Variants in AGPAT4 observed in about 807,000 individuals in gnomAD.
AGPAT4 encodes 1-acyl-sn-glycerol-3-phosphate acyltransferase delta.
Under a neutral mutation model 48.0 loss-of-function variants are expected in AGPAT4, and 15 were observed. The ratio of observed to expected loss-of-function variants is 0.31; its 90% CI spans 0.21 to 0.48. AGPAT4 has a LOEUF of 0.48. Among genes scored for constraint, AGPAT4 ranks in the 20% least tolerant of loss-of-function variants. AGPAT4 has a pLI of 0.99. For synonymous variants in AGPAT4, 178 were observed against 198.7 expected, an observed-to-expected ratio of 0.90 and a Z score of 0.88; for missense variants, 314 against 482.5, an observed-to-expected ratio of 0.65 and a Z score of 3.27.
rs944392211 is a variant in AGPAT4 at position 161,223,119 on chromosome 6, C to T, written c.178+8917G>A. Among the ~76,000 whole-genome samples the T allele has an allele frequency of 6.6e-6, 1 of 152,158 alleles. No homozygotes were observed. The highest frequency in any genetic ancestry group is 2.4e-5 in the African/African-American group (1 of 41,436). On this transcript the variant is annotated intron_variant, in intron 2 of 8. Coordinates refer to ENST00000320285, the MANE Select transcript of AGPAT4 (RefSeq NM_020133.3). The surrounding 1 kb of genome is among the most constrained non-coding windows in gnomAD (Gnocchi z 6.3). Reference sequence around the variant, plus strand: ...GTCTAATCATCAACTCACTGCTCTACCATGCTGGGTCTATGAGCCTTCTCC... The same window carrying T: ...GTCTAATCATCAACTCACTGCTCTATCATGCTGGGTCTATGAGCCTTCTCC...
chr6:161,231,904 A>C lies in AGPAT4; in HGVS notation c.178+132T>G. 1 of 908,836 alleles carries C rather than the reference A, an allele frequency of 1.1e-6. No homozygotes were observed. Among genetic ancestry groups the C allele is most frequent in the Non-Finnish European group, 1.6e-6 (1 of 636,798 alleles). 56.3% of individuals were successfully genotyped at this position (908,836 alleles called of 1,614,324 possible). A position where few individuals can be genotyped will look rare whatever the true frequency, so the allele number is the denominator to read the frequency against. ...GATTGAGAACAAAATAGCCATTTCA[A>C]ACCTAAAACAAAAACAAAACAAAAA... is the stretch of plus-strand genomic sequence containing the variant. On this transcript the variant is annotated intron_variant, in intron 2 of 8. Coordinates refer to ENST00000320285, the MANE Select transcript of AGPAT4 (RefSeq NM_020133.3). This position sits in a 1 kb window ranked among gnomAD's most constrained non-coding sequence, Gnocchi z 5.3.
intron 2 of AGPAT4, among the ~76,000 whole-genome samples, chr6:161,175,470 T>C (rs570143374): frequency 6.6e-6 from 1 of 152,342 alleles, no homozygotes; most frequent in South Asian, 2.1e-4. Flanking sequence ...TAGTAGTTTG[T>C]ATTTCCGTGG....
At position 161,261,057 on chromosome 6, in the gene AGPAT4, C is replaced by T. The variant is rs1397560840; in HGVS notation, c.-90+12881G>A. ...TCTGGTGCTCCGAGCTCGTGTATTC[C>T]GTTCCACCTGCCTGATGCCCTTCCC... On this transcript the variant is annotated intron_variant, in intron 1 of 8. Transcript: ENST00000320285. This position sits in a 1 kb window ranked among gnomAD's most constrained non-coding sequence, Gnocchi z 5.3. 1.4e-4 allele frequency among the ~76,000 whole-genome samples: 21 copies of T among 152,174 alleles called. No individual in the cohort carries two copies. The highest frequency in any genetic ancestry group is 1.2e-3 in the Admixed American group (19 of 15,284).
Position 161,236,148 on chromosome 6 carries a change from C to T in AGPAT4, c.-89-3846G>A, listed in dbSNP as rs1224456806. 6.6e-6 allele frequency among the ~76,000 whole-genome samples: 1 copy of T among 152,116 alleles called. No individual in the cohort carries two copies. Among genetic ancestry groups the T allele is most frequent in the Non-Finnish European group, 1.5e-5 (1 of 68,030 alleles). ...CTTTCCAGCAAATCCACTTCAGTGG[C>T]TTATTACATGAGGCAAGAATATGAC... On this transcript the variant is annotated intron_variant, in intron 1 of 8. Transcript: ENST00000320285. The surrounding 1 kb of genome is among the most constrained non-coding windows in gnomAD (Gnocchi z 5.0).
rs573090425 is a variant in AGPAT4, at chr6:161,251,607, G to A, written c.-89-19305C>T. On this transcript the variant is annotated intron_variant, in intron 1 of 8. Transcript: ENST00000320285. The surrounding 1 kb of genome is among the most constrained non-coding windows in gnomAD (Gnocchi z 4.6). Reference sequence around the variant, plus strand: ...CCAGCCTGTCCGGCCGCTGGTTAAAGACCCGCAGGGAGGATGGAAGCTGCG... The same window carrying A: ...CCAGCCTGTCCGGCCGCTGGTTAAAAACCCGCAGGGAGGATGGAAGCTGCG... 6.6e-6 allele frequency among the ~76,000 whole-genome samples: 1 copy of A among 152,312 alleles called. No individual in the cohort carries two copies. The highest frequency in any genetic ancestry group is 2.4e-5 in the African/African-American group (1 of 41,576).
In AGPAT4 at chr6:161,148,399, T is replaced by C. The variant is rs1289001576; in HGVS notation, c.767+788A>G. Among the ~76,000 whole-genome samples the C allele has an allele frequency of 6.6e-6, 1 of 152,222 alleles. No individual in the cohort carries two copies. The highest frequency in any genetic ancestry group is 2.4e-5 in the African/African-American group (1 of 41,458). ...CTCCCAGGAAAGCCTGGACGTTTGG[T>C]GTGGCCTGGTGGGAATGTAGGGCCC... On this transcript the variant is annotated intron_variant, in intron 6 of 8. Transcript: ENST00000320285. The surrounding 1 kb of genome is among the most constrained non-coding windows in gnomAD (Gnocchi z 5.5).
At position 161,222,093 on chromosome 6, in the gene AGPAT4, G is replaced by T. The variant is rs1057181057; in HGVS notation, c.178+9943C>A. 6.6e-6 allele frequency among the ~76,000 whole-genome samples: 1 copy of T among 152,118 alleles called. No homozygotes were observed. The highest frequency in any genetic ancestry group is 2.4e-5 in the African/African-American group (1 of 41,426). Reference sequence around the variant, plus strand: ...CTATGCTCTGCTCAGGTCCTGTAAGGCACAGCCTGAAACACCTTCCTTGTC... The same window carrying T: ...CTATGCTCTGCTCAGGTCCTGTAAGTCACAGCCTGAAACACCTTCCTTGTC... On this transcript the variant is annotated intron_variant, in intron 2 of 8. Transcript: ENST00000320285. This position sits in a 1 kb window ranked among gnomAD's most constrained non-coding sequence, Gnocchi z 5.9.
chr6:161,244,592 T>C lies in AGPAT4; in HGVS notation c.-89-12290A>G, dbSNP rs1782599388. ...TCCATTATGGCTAAACAAACTCACA[T>C]TTTGATGCTGTGTGAGCAGACAGGC... On this transcript the variant is annotated intron_variant, in intron 1 of 8. Coordinates refer to ENST00000320285, the MANE Select transcript of AGPAT4 (RefSeq NM_020133.3). The surrounding 1 kb of genome is among the most constrained non-coding windows in gnomAD (Gnocchi z 4.7). 6.6e-6 allele frequency among the ~76,000 whole-genome samples: 1 copy of C among 152,116 alleles called. No individual in the cohort carries two copies. Among genetic ancestry groups the C allele is most frequent in the Non-Finnish European group, 1.5e-5 (1 of 68,024 alleles).
At chr6:161,203,943 T>C (rs1268538525) in intron 2 of AGPAT4, among the ~76,000 whole-genome samples, 4 of 152,192 alleles carry the variant, frequency 2.6e-5, no homozygotes, top group African/African-American at 9.6e-5. Context: ...AGGGACTCTT[T>C]ATGATGCTAC....
At position 161,159,861 on chromosome 6, in the gene AGPAT4, T is replaced by A. The variant is rs1583290360; in HGVS notation, c.349-5551A>T. On this transcript the variant is annotated intron_variant, in intron 3 of 8. Transcript: ENST00000320285. The surrounding 1 kb of genome is among the most constrained non-coding windows in gnomAD (Gnocchi z 4.1). ...GGTTTCACCATGTTGGCTAGTCTGGTCTCGAACTCCTGACCTTCAGGTCTC... is the reference window on the plus strand; with the variant it reads ...GGTTTCACCATGTTGGCTAGTCTGGACTCGAACTCCTGACCTTCAGGTCTC... 6.6e-6 allele frequency among the ~76,000 whole-genome samples: 1 copy of A among 151,934 alleles called. No individual in the cohort carries two copies. Among genetic ancestry groups the A allele is most frequent in the Non-Finnish European group, 1.5e-5 (1 of 67,998 alleles).
rs546138543 is a variant in AGPAT4 at position 161,253,830 on chromosome 6, A to T, written c.-90+20108T>A. On this transcript the variant is annotated intron_variant, in intron 1 of 8. Coordinates refer to ENST00000320285, the MANE Select transcript of AGPAT4 (RefSeq NM_020133.3). ...TACATATCTAGTTTTAGTTATTTTA[A>T]TTGCAAAGAGTATTGCTTTGGATGA... Among the ~76,000 whole-genome samples, 17 of 152,282 alleles carry T rather than the reference A, an allele frequency of 1.1e-4. No homozygotes were observed. The South Asian group carries it at 3.5e-3, about 32-fold the overall frequency.
At chr6:161,207,710 A>T (rs1781414296) in intron 2 of AGPAT4, among the ~76,000 whole-genome samples, 1 of 152,226 alleles carries the variant, frequency 6.6e-6, no homozygotes. Flanking sequence ...ATAGAAGGAA[A>T]GGTAGAATAG....
In AGPAT4 at chr6:161,141,599, A is replaced by C. The variant is rs917133621; in HGVS notation, c.844-1979T>G. 2.5e-4 allele frequency among the ~76,000 whole-genome samples: 38 copies of C among 152,184 alleles called. No homozygotes were observed. Among genetic ancestry groups the C allele is most frequent in the African/African-American group, 9.2e-4 (38 of 41,488 alleles). On this transcript the variant is annotated intron_variant, in intron 7 of 8. Transcript: ENST00000320285. This position sits in a 1 kb window ranked among gnomAD's most constrained non-coding sequence, Gnocchi z 6.7. ...TGCCTTGTTTTTTTTTAAAAAAAAA[A>C]CAGCTTTCTTAAGATGTCACTTACA...
intron 2 of AGPAT4, among the ~76,000 whole-genome samples, chr6:161,224,779 A>T (rs1781928200): frequency 6.6e-6 from 1 of 152,228 alleles, no homozygotes; most frequent in South Asian, 2.1e-4. Context: ...TACTTCTTGA[A>T]TAAATCAGAA....
chr6:161,230,971 T>C (rs3798938), intron 2 of AGPAT4, among the ~76,000 whole-genome samples: 6,549 of 152,264 alleles, frequency 0.043, 282 homozygotes, highest in East Asian at 0.23. Context: ...TATTCTGAAG[T>C]TTAACAAATA....
chr6:161,212,504 T>C lies in AGPAT4; in HGVS notation c.178+19532A>G, dbSNP rs562788261. On this transcript the variant is annotated intron_variant, in intron 2 of 8. Coordinates refer to ENST00000320285, the MANE Select transcript of AGPAT4 (RefSeq NM_020133.3). The surrounding 1 kb of genome is among the most constrained non-coding windows in gnomAD (Gnocchi z 6.1). ...AATTTGGCTTATCTGGTATAAAAATTATACAGGAAACATTGTCAAATACGA... is the reference window on the plus strand; with the variant it reads ...AATTTGGCTTATCTGGTATAAAAATCATACAGGAAACATTGTCAAATACGA... Among the ~76,000 whole-genome samples, 8 of 152,344 alleles carry C rather than the reference T, an allele frequency of 5.3e-5. No individual in the cohort carries two copies. The highest frequency in any genetic ancestry group is 1.9e-4 in the African/African-American group (8 of 41,600).
At chr6:161,170,422 A>G (rs920216610) in intron 2 of AGPAT4, among the ~76,000 whole-genome samples, 5 of 151,940 alleles carry the variant, frequency 3.3e-5, no homozygotes, top group Non-Finnish European at 7.4e-5. Context: ...ATAGTCTTAT[A>G]GTTTTTTCCC....
chr6:161,151,544 C>T (rs1779593431), intron 5 of AGPAT4, among the ~76,000 whole-genome samples: 1 of 152,236 alleles, frequency 6.6e-6, no homozygotes. Flanking sequence ...GTGAGATGTG[C>T]AGTGGGAGGC....
At position 161,142,176 on chromosome 6, in the gene AGPAT4, T is replaced by A. The variant is rs143266909; in HGVS notation, c.844-2556A>T. Among the ~76,000 whole-genome samples, 161 of 152,332 alleles carry A rather than the reference T, an allele frequency of 1.1e-3. No individual in the cohort carries two copies. The highest frequency in any genetic ancestry group is 3.6e-3 in the African/African-American group (148 of 41,588). ...GCCCCATTCACTTTAAAGTTTTCTTTGTCTGTGGTTTAAAACACTAAATCT... is the reference window on the plus strand; with the variant it reads ...GCCCCATTCACTTTAAAGTTTTCTTAGTCTGTGGTTTAAAACACTAAATCT... On this transcript the variant is annotated intron_variant, in intron 7 of 8. Coordinates refer to ENST00000320285, the MANE Select transcript of AGPAT4 (RefSeq NM_020133.3). This position sits in a 1 kb window ranked among gnomAD's most constrained non-coding sequence, Gnocchi z 6.4.
Sources: allele counts gnomAD v4.1 joint callset (sites outside exome capture counted in the v4.1 genomes callset), GRCh38; gene constraint gnomAD v4.1.1; non-coding constraint Gnocchi (gnomAD v3.1); transcripts MANE v1.5; gene names NCBI Gene and HGNC (gene_info 2026-07-23, HGNC 2026-07-21).